Variants in EMB observed in about 807,000 individuals in gnomAD.
EMB encodes embigin, also known as embigin homolog.
EMB carries 31 observed loss-of-function variants against 41.4 expected under a neutral mutation model. The observed-to-expected ratio is 0.75, with a 90% confidence interval of 0.56 to 1.01. The LOEUF is 1.01. EMB is among the 50% of genes least tolerant of loss of function. The pLI, the probability that EMB is intolerant of heterozygous loss-of-function variation, is 0.00. For missense variants in EMB, 379 were observed against 388.3 expected (o/e 0.98, Z 0.20); for synonymous variants, 137 against 140.4 (o/e 0.98, Z 0.17).
chr5:50,414,528 C>CA (rs34645448), intron 2 of EMB, among the ~76,000 whole-genome samples: 5,295 of 46,632 alleles, frequency 0.11, 800 homozygotes, highest in Middle Eastern at 0.25. Context: ...CTGTCTCAGG[C>CA]AAAAAAAAAA....
At chr5:50,430,082 T>C (rs914742522) in intron 1 of EMB, among the ~76,000 whole-genome samples, 5 of 151,690 alleles carry the variant, frequency 3.3e-5, no homozygotes, top group African/African-American at 1.2e-4. Flanking sequence ...ATTTTCCTAA[T>C]GAAAATTCCT....
In EMB at chr5:50,427,215, G is replaced by A. The variant is rs192874313; in HGVS notation, c.196+929C>T. ...CCATTCCACTCTCTGTGTAAGCCCT[G>A]AACTCCAATTCTGTTCTACCAAATA... On this transcript the variant is annotated intron_variant, in intron 2 of 8. Coordinates refer to ENST00000303221, the MANE Select transcript of EMB (RefSeq NM_198449.3). Among the ~76,000 whole-genome samples, 642 of 152,188 alleles carry A rather than the reference G, an allele frequency of 4.2e-3. 6 individuals are homozygous for A. Among genetic ancestry groups the A allele is most frequent in the Non-Finnish European group, 3.7e-3 (253 of 68,008 alleles).
intron 4 of EMB, 152 bp from the exon 5 acceptor site, chr5:50,406,004 G>T (rs1313561936): frequency 2.7e-6 from 3 of 1,124,988 alleles, no homozygotes; most frequent in Non-Finnish European, 3.6e-6. Flanking sequence ...TAGTAGTTAG[G>T]GTGTAGTTAG....
intron 2 of EMB, among the ~76,000 whole-genome samples, chr5:50,416,726 G>T (rs1181394728): frequency 1.3e-5 from 2 of 152,088 alleles, no homozygotes; most frequent in African/African-American, 4.8e-5. Context: ...GTAGGAGGTG[G>T]AATGTGACTC....
At chr5:50,407,049 G>A (rs778987928) in intron 4 of EMB, among the ~76,000 whole-genome samples, 1 of 150,114 alleles carries the variant, frequency 6.7e-6, no homozygotes, top group Non-Finnish European at 1.5e-5. Context: ...AACAAACACT[G>A]TTTTGGAGTG....
intron 1 of EMB, among the ~76,000 whole-genome samples, chr5:50,436,409 T>A (rs1470826385): frequency 6.6e-6 from 1 of 152,188 alleles, no homozygotes; most frequent in Non-Finnish European, 1.5e-5. Flanking sequence ...TTCCTAGATT[T>A]AATTATTTGA....
chr5:50,399,640 A>G (rs181866342), intron 8 of EMB, among the ~76,000 whole-genome samples: 1 of 152,166 alleles, frequency 6.6e-6, no homozygotes, highest in Non-Finnish European at 1.5e-5. Context: ...CAAAAGATTT[A>G]CTTCTAGATT....
At chr5:50,400,960 G>A (rs558698698) in intron 7 of EMB, among the ~76,000 whole-genome samples, 29 of 152,110 alleles carry the variant, frequency 1.9e-4, no homozygotes, top group African/African-American at 6.7e-4. Flanking sequence ...AGAGCTCGGA[G>A]AATAGAGGAA....
intron 1 of EMB, among the ~76,000 whole-genome samples, chr5:50,435,352 C>T (rs573283292): frequency 1.2e-3 from 179 of 152,246 alleles, no homozygotes; most frequent in African/African-American, 4.2e-3. Flanking sequence ...CACACCCCAT[C>T]TAAGTTTCAA....
intron 2 of EMB, among the ~76,000 whole-genome samples, chr5:50,415,817 G>A (rs1274059064): frequency 6.6e-6 from 1 of 152,068 alleles, no homozygotes; most frequent in Non-Finnish European, 1.5e-5. Context: ...GTTGAAACAA[G>A]ATTTTAAATA....
chr5:50,403,982 C>T (rs1412093767), intron 5 of EMB, among the ~76,000 whole-genome samples: 3 of 151,786 alleles, frequency 2.0e-5, no homozygotes, highest in African/African-American at 7.2e-5. Context: ...TGGAGGGGAC[C>T]CTCTGTGAGC....
chr5:50,427,967 C>A (rs1253412076), intron 2 of EMB, among the ~76,000 whole-genome samples, 177 bp downstream of exon 2: 1 of 152,104 alleles, frequency 6.6e-6, no homozygotes, highest in Admixed American at 6.6e-5. Flanking sequence ...CTCCTTTGTG[C>A]GCCCCCAGTA....
At chr5:50,404,700 A>C (rs1198055748) in intron 5 of EMB, among the ~76,000 whole-genome samples, 1 of 151,924 alleles carries the variant, frequency 6.6e-6, no homozygotes, top group Non-Finnish European at 1.5e-5. Context: ...ACAAAATTAC[A>C]CTTTTTAAAA....
rs192079496 is a variant in EMB, at chr5:50,397,073, C to T, written c.*2200G>A. ...TAAATCTACTTATTATGCTGAAAAT[C>T]CTTGTTAGCTGGAAAGACTAAGAGA... On this transcript the variant is annotated 3_prime_UTR_variant, in exon 9 of 9. Coordinates refer to ENST00000303221, the MANE Select transcript of EMB (RefSeq NM_198449.3). 6.6e-6 allele frequency: 1 copy of T among 152,176 alleles called. No individual in the cohort carries two copies. Among genetic ancestry groups the T allele is most frequent in the Admixed American group, 6.5e-5 (1 of 15,272 alleles). The allele number at this position is 152,176 out of a possible 1,614,324, so 9.4% of individuals were successfully genotyped here.
rs1561128771 is a variant in EMB at position 50,398,242 on chromosome 5, T to A, written c.*1031A>T. 6.6e-6 allele frequency: 1 copy of A among 151,776 alleles called. No homozygotes were observed. The highest frequency in any genetic ancestry group is 1.5e-5 in the Non-Finnish European group (1 of 67,934). 9.4% of individuals were successfully genotyped at this position (151,776 alleles called of 1,614,324 possible). A position where few individuals can be genotyped will look rare whatever the true frequency, so the allele number is the denominator to read the frequency against. On this transcript the variant is annotated 3_prime_UTR_variant, in exon 9 of 9. Coordinates refer to ENST00000303221, the MANE Select transcript of EMB (RefSeq NM_198449.3). ...TTTTATAAGATTTGATTACAGTGAG[T>A]TTATAAAATATTTCAGTTATATATG...
intron 4 of EMB, among the ~76,000 whole-genome samples, chr5:50,408,441 T>C (rs567374235): frequency 1.3e-5 from 2 of 152,070 alleles, no homozygotes; most frequent in East Asian, 3.9e-4. Flanking sequence ...GCGAAACACA[T>C]AAAGTCAGCA....
intron 8 of EMB, 45 bp downstream of exon 8, chr5:50,399,814 T>C (rs758042785): frequency 1.3e-6 from 2 of 1,486,976 alleles, no homozygotes; most frequent in East Asian, 2.3e-5. Flanking sequence ...CCTATGTATA[T>C]TGAATTTGAC....
chr5:50,441,384 C>T, upstream of EMB: 3 of 341,906 alleles, frequency 8.8e-6, no homozygotes, highest in Admixed American at 9.6e-5. Flanking sequence ...CAGCCGGCTG[C>T]TGGCGTTCCC....
chr5:50,421,883 CG>C (rs1478995413), intron 2 of EMB, among the ~76,000 whole-genome samples: 1 of 114,506 alleles, frequency 8.7e-6, no homozygotes, highest in African/African-American at 3.5e-5. Context: ...CATCACACAC[CG>C]GGGCCCGTTG....
Sources: allele counts gnomAD v4.1 joint callset (sites outside exome capture counted in the v4.1 genomes callset), GRCh38; gene constraint gnomAD v4.1.1; transcripts MANE v1.5; gene names NCBI Gene and HGNC (gene_info 2026-07-23, HGNC 2026-07-21).